GPC5: variants seen among roughly 807,000 people sequenced by gnomAD.
GPC5 encodes glypican-5.
GPC5 carries 47 observed loss-of-function variants against 53.9 expected under a neutral mutation model. The observed-to-expected ratio is 0.87, with a 90% CI of 0.69 to 1.11. The LOEUF is 1.11. Among genes scored for constraint, GPC5 ranks in the 50% most tolerant of loss-of-function variants. The pLI, the probability that GPC5 is intolerant of heterozygous loss-of-function variation, is 0.00. For synonymous variants in GPC5, 286 were observed against 263.3 expected (o/e 1.09, Z -0.84); for missense variants, 748 against 713.1 (o/e 1.05, Z -0.56).
chr13:92,138,377 G>A lies in GPC5; in HGVS notation c.1402-6453G>A, dbSNP rs77675752. Among the ~76,000 whole-genome samples, 1,244 of 151,874 alleles carry A rather than the reference G, an allele frequency of 8.2e-3. 12 individuals are homozygous for A. Among genetic ancestry groups the A allele is most frequent in the Non-Finnish European group, 0.013 (883 of 67,956 alleles). On this transcript the variant is annotated intron_variant, in intron 6 of 7. Coordinates refer to ENST00000377067, the MANE Select transcript of GPC5 (RefSeq NM_004466.6). ...TCTACTAAAAATACAAAAATTACCT[G>A]GGCGTGGTGGTGTGCACCTGTTGTC...
At chr13:91,572,210 C>CGT (rs1555326089) in intron 2 of GPC5, among the ~76,000 whole-genome samples, 12,453 of 83,360 alleles carry the variant, frequency 0.15, 1,894 homozygotes, top group African/African-American at 0.28. Context: ...TGTATATATA[C>CGT]GTGTATATAT....
chr13:91,844,793 T>C (rs1007462011), intron 5 of GPC5, among the ~76,000 whole-genome samples: 4 of 152,128 alleles, frequency 2.6e-5, no homozygotes, highest in African/African-American at 7.2e-5. Context: ...TGGTGCTATC[T>C]CGGCTTGCTG....
intron 6 of GPC5, among the ~76,000 whole-genome samples, chr13:91,971,032 G>A (rs924243188): frequency 1.3e-5 from 2 of 152,208 alleles, no homozygotes; most frequent in Admixed American, 6.5e-5. Context: ...AATAGTTTCA[G>A]AAGGAATGGT....
chr13:92,324,556 C>A (rs573001748), intron 7 of GPC5, among the ~76,000 whole-genome samples: 1 of 151,586 alleles, frequency 6.6e-6, no homozygotes, highest in Non-Finnish European at 1.5e-5. Context: ...GTTTTAATAA[C>A]GATAAAATAC....
At chr13:92,671,661 G>A (rs972421545) in intron 7 of GPC5, among the ~76,000 whole-genome samples, 2 of 152,178 alleles carry the variant, frequency 1.3e-5, no homozygotes, top group South Asian at 4.1e-4. Context: ...ACAACGAAAA[G>A]AGACTGTGGT....
intron 5 of GPC5, among the ~76,000 whole-genome samples, chr13:91,781,676 C>T (rs186319590): frequency 1.1e-4 from 17 of 152,318 alleles, no homozygotes; most frequent in African/African-American, 4.1e-4. Context: ...ATATCTTCCT[C>T]ATTTTGTGTA....
intron 7 of GPC5, among the ~76,000 whole-genome samples, chr13:92,467,614 A>G (rs926165817): frequency 4.6e-5 from 7 of 152,114 alleles, no homozygotes; most frequent in African/African-American, 1.7e-4. Flanking sequence ...ACAGGTGAAG[A>G]AACTGAATCA....
intron 2 of GPC5, among the ~76,000 whole-genome samples, chr13:91,494,778 C>T (rs1050482165): frequency 9.2e-5 from 14 of 152,120 alleles, no homozygotes; most frequent in African/African-American, 3.1e-4. Flanking sequence ...TTTTCTCCCC[C>T]CTTATTGACT....
chr13:91,796,834 T>C (rs1175342232), intron 5 of GPC5, among the ~76,000 whole-genome samples: 2 of 152,196 alleles, frequency 1.3e-5, no homozygotes, highest in Non-Finnish European at 2.9e-5. Flanking sequence ...TTTATTTGAA[T>C]GAAAGAGTTT....
In GPC5 at chr13:91,571,871, A is replaced by ACACACACATACGTGTGTGTGTG. The variant is rs1231149317; in HGVS notation, c.326-121316_326-121315insCACACACATACGTGTGTGTGTG. 8.5e-5 allele frequency among the ~76,000 whole-genome samples: 6 copies of ACACACACATACGTGTGTGTGTG among 70,182 alleles called. No homozygotes were observed. The East Asian group carries it at 1.4e-3, about 17-fold the overall frequency. 46.0% of individuals were successfully genotyped at this position (70,182 alleles called of 152,430 possible). A position where few individuals can be genotyped will look rare whatever the true frequency, so the allele number is the denominator to read the frequency against. On this transcript the variant is annotated intron_variant, in intron 2 of 7. Coordinates refer to ENST00000377067, the MANE Select transcript of GPC5 (RefSeq NM_004466.6). ...TATATACACATATACGTGTGTGTAT[A>ACACACACATACGTGTGTGTGTG]TATACACACATATACGTGTGTATAT...
intron 7 of GPC5, among the ~76,000 whole-genome samples, chr13:92,328,516 T>C (rs2043267357): frequency 6.6e-6 from 1 of 152,154 alleles, no homozygotes; most frequent in South Asian, 2.1e-4. Flanking sequence ...AATCAATTAA[T>C]GGAACTAGGC....
chr13:92,120,011 A>G (rs982966498), intron 6 of GPC5, among the ~76,000 whole-genome samples: 5 of 152,012 alleles, frequency 3.3e-5, no homozygotes, highest in Non-Finnish European at 7.4e-5. Context: ...GTAGATCTGC[A>G]TATGAGAAGA....
At chr13:92,858,513 A>T (rs1031910268) in intron 7 of GPC5, among the ~76,000 whole-genome samples, 1 of 152,308 alleles carries the variant, frequency 6.6e-6, no homozygotes, top group African/African-American at 2.4e-5. Context: ...TTGCAGCAAC[A>T]TGGATGCAGC....
intron 2 of GPC5, among the ~76,000 whole-genome samples, chr13:91,589,250 A>C (rs561016809): frequency 6.0e-4 from 91 of 151,776 alleles, no homozygotes; most frequent in African/African-American, 2.1e-3. Context: ...TTTGACTCTC[A>C]TTCCTCTTCT....
chr13:92,729,359 A>G (rs542525096), intron 7 of GPC5, among the ~76,000 whole-genome samples: 20 of 151,548 alleles, frequency 1.3e-4, no homozygotes, highest in African/African-American at 4.8e-4. Flanking sequence ...TTGTAATGTA[A>G]TTAGTAGAAA....
At chr13:92,017,138 A>G (rs536885975) in intron 6 of GPC5, among the ~76,000 whole-genome samples, 12 of 152,208 alleles carry the variant, frequency 7.9e-5, no homozygotes, top group Non-Finnish European at 1.5e-4. Flanking sequence ...TTTACTCTCT[A>G]GCAGGAATAA....
At chr13:91,574,680 A>C (rs551185750) in intron 2 of GPC5, among the ~76,000 whole-genome samples, 3 of 152,248 alleles carry the variant, frequency 2.0e-5, no homozygotes, top group South Asian at 2.1e-4. Flanking sequence ...TGAGGTGGTC[A>C]TCACTTGATT....
intron 7 of GPC5, among the ~76,000 whole-genome samples, chr13:92,150,637 A>G (rs1231985659): frequency 2.6e-5 from 4 of 152,016 alleles, no homozygotes; most frequent in African/African-American, 9.7e-5. Context: ...TTGAAGTAAA[A>G]GGTTTGTCCT....
At chr13:92,365,556 A>T (rs1039428678) in intron 7 of GPC5, among the ~76,000 whole-genome samples, 1 of 151,764 alleles carries the variant, frequency 6.6e-6, no homozygotes, top group Non-Finnish European at 1.5e-5. Flanking sequence ...GACTCTTGTT[A>T]TAACACTTGG....
Sources: allele counts gnomAD v4.1 joint callset (sites outside exome capture counted in the v4.1 genomes callset), GRCh38; gene constraint gnomAD v4.1.1; transcripts MANE v1.5; gene names NCBI Gene and HGNC (gene_info 2026-07-23, HGNC 2026-07-21).